Variants in CTIF observed in about 807,000 individuals in gnomAD.
CTIF encodes the protein cap binding complex dependent translation initiation factor.
CTIF carries 21 observed loss-of-function variants against 66.0 expected under a neutral mutation model. That is an observed-to-expected ratio of 0.32 (90% confidence interval 0.23 to 0.46). The LOEUF (loss-of-function observed/expected upper bound fraction) is 0.46, where lower values mean the gene tolerates loss of function less well. Among genes scored for constraint, CTIF ranks in the 20% least tolerant of loss-of-function variants. The pLI is 1.00. For synonymous variants in CTIF, 345 were observed against 326.4 expected (o/e 1.06, Z -0.62); for missense variants, 739 against 812.7 (o/e 0.91, Z 1.10).
chr18:48,846,497 A>AGATGGATGGATGGATGGATG (rs1555705172), intron 10 of CTIF, among the ~76,000 whole-genome samples: 2 of 136,792 alleles, frequency 1.5e-5, no homozygotes, highest in Non-Finnish European at 3.0e-5. Flanking sequence ...ATGAAAGGAT[A>AGATGGATGGATGGATGGATG]GATGGATGGA....
intron 6 of CTIF, among the ~76,000 whole-genome samples, chr18:48,692,337 C>CA (rs11320556): frequency 0.031 from 4,267 of 139,576 alleles, 86 homozygotes; most frequent in African/African-American, 0.037. Flanking sequence ...AAACAAAAAA[C>CA]AAAAAAAAAA....
chr18:48,598,817 C>T (rs940998014), intron 1 of CTIF, among the ~76,000 whole-genome samples: 21 of 152,188 alleles, frequency 1.4e-4, no homozygotes, highest in African/African-American at 5.1e-4. Context: ...TGGGGACTAT[C>T]TTCCTTGCAA....
chr18:48,735,868 C>T (rs1295851117), intron 7 of CTIF, among the ~76,000 whole-genome samples: 1 of 152,160 alleles, frequency 6.6e-6, no homozygotes, highest in African/African-American at 2.4e-5. Flanking sequence ...GACAGAGATA[C>T]TAAACACTCC....
At chr18:48,587,757 C>T (rs991739685) in intron 1 of CTIF, among the ~76,000 whole-genome samples, 1 of 152,162 alleles carries the variant, frequency 6.6e-6, no homozygotes, top group Admixed American at 6.5e-5. Context: ...AAGATTATGA[C>T]ACCTGTAAGA....
intron 1 of CTIF, among the ~76,000 whole-genome samples, chr18:48,583,244 A>G (rs2089698681): frequency 6.6e-6 from 1 of 152,204 alleles, no homozygotes; most frequent in Non-Finnish European, 1.5e-5. Flanking sequence ...TGGCCCTAAG[A>G]GTCTTAGGCT....
chr18:48,611,176 A>C (rs1347115766), intron 1 of CTIF, among the ~76,000 whole-genome samples: 23 of 152,196 alleles, frequency 1.5e-4, no homozygotes, highest in Admixed American at 1.4e-3. Context: ...CAGCAGCTGA[A>C]GAGCTGTTGA....
intron 5 of CTIF, among the ~76,000 whole-genome samples, chr18:48,667,082 GACACACAC>G (rs4044188): frequency 1.2e-4 from 17 of 142,278 alleles, no homozygotes; most frequent in African/African-American, 3.9e-4. Flanking sequence ...CAGGAAAGTA[GACACACAC>G]ACACACACAC....
chr18:48,761,240 G>T lies in CTIF; in HGVS notation c.1072-150G>T. The T allele has an allele frequency of 1.4e-6, 1 of 692,694 alleles. No individual in the cohort carries two copies. 42.9% of individuals were successfully genotyped at this position (692,694 alleles called of 1,614,324 possible). A position where few individuals can be genotyped will look rare whatever the true frequency, so the allele number is the denominator to read the frequency against. On this transcript the variant is annotated intron_variant, in intron 8 of 11. Coordinates refer to ENST00000256413, the MANE Select transcript of CTIF (RefSeq NM_014772.3). This position sits in a 1 kb window ranked among gnomAD's most constrained non-coding sequence, Gnocchi z 4.2. ...GCTTTTGGCGCATGAGGGGTCTTTG[G>T]TGGAGGTTCCCAGAGGGACCAGCCC... is the stretch of plus-strand genomic sequence containing the variant.
At chr18:48,768,115 A>G (rs1046533448) in intron 9 of CTIF, among the ~76,000 whole-genome samples, 2 of 152,038 alleles carry the variant, frequency 1.3e-5, no homozygotes, top group African/African-American at 4.8e-5. Context: ...TCTCTTCCTA[A>G]GGGGAAAACC....
intron 6 of CTIF, among the ~76,000 whole-genome samples, chr18:48,685,218 T>C (rs1418340112): frequency 1.3e-5 from 2 of 152,122 alleles, no homozygotes; most frequent in African/African-American, 4.8e-5. Flanking sequence ...ATAATTGAGT[T>C]TGTGTACTTT....
intron 10 of CTIF, among the ~76,000 whole-genome samples, chr18:48,841,262 G>A (rs2068934781): frequency 6.6e-6 from 1 of 152,220 alleles, no homozygotes. Flanking sequence ...TGGTGAGCAA[G>A]CAGGGGCCAG....
chr18:48,567,472 C>T (rs1395881391), intron 1 of CTIF: 2 of 152,326 alleles, frequency 1.3e-5, no homozygotes, highest in East Asian at 3.9e-4. Flanking sequence ...TTCTTTGTGC[C>T]TGGGTACATG....
intron 6 of CTIF, among the ~76,000 whole-genome samples, chr18:48,709,015 A>G (rs1265977395): frequency 1.3e-5 from 2 of 152,240 alleles, no homozygotes; most frequent in Non-Finnish European, 2.9e-5. Flanking sequence ...GACAGTGATG[A>G]TGACAATGAG....
At chr18:48,611,743 G>A (rs2090311532) in intron 1 of CTIF, among the ~76,000 whole-genome samples, 1 of 152,176 alleles carries the variant, frequency 6.6e-6, no homozygotes, top group Admixed American at 6.5e-5. Context: ...TTCATGGGTA[G>A]GTGAAACAAA....
intron 6 of CTIF, among the ~76,000 whole-genome samples, chr18:48,709,252 C>A (rs960609999): frequency 1.3e-5 from 2 of 152,234 alleles, no homozygotes; most frequent in East Asian, 3.8e-4. Flanking sequence ...TAACCACTGT[C>A]ATGGTTTATA....
At chr18:48,613,148 G>C (rs2090338073) in intron 1 of CTIF, among the ~76,000 whole-genome samples, 1 of 152,160 alleles carries the variant, frequency 6.6e-6, no homozygotes, top group African/African-American at 2.4e-5. Flanking sequence ...TTCTTAAAAG[G>C]ATTGGCTAAA....
chr18:48,623,256 G>A (rs954370286), intron 2 of CTIF, among the ~76,000 whole-genome samples: 1 of 152,230 alleles, frequency 6.6e-6, no homozygotes, highest in African/African-American at 2.4e-5. Flanking sequence ...TTCATGCTCT[G>A]GAATTCCCTC....
intron 10 of CTIF, among the ~76,000 whole-genome samples, chr18:48,822,107 A>G (rs2068495894): frequency 6.6e-6 from 1 of 152,242 alleles, no homozygotes; most frequent in Non-Finnish European, 1.5e-5. Flanking sequence ...TATTTCATTT[A>G]GTAATGTCAT....
At position 48,862,052 on chromosome 18, in the gene CTIF, A is replaced by C. The variant is rs993573442; in HGVS notation, c.*2493A>C. 6.7e-6 allele frequency: 1 copy of C among 148,462 alleles called. No individual in the cohort carries two copies. The highest frequency in any genetic ancestry group is 1.5e-5 in the Non-Finnish European group (1 of 67,032). 9.2% of individuals were successfully genotyped at this position (148,462 alleles called of 1,614,324 possible). ...GATATGGAAGGAAAACGTTAAGACT[A>C]TTTTTTTTTTAAAGAAACAACAGTC... is the stretch of plus-strand genomic sequence containing the variant. On this transcript the variant is annotated 3_prime_UTR_variant, in exon 12 of 12. Coordinates refer to ENST00000256413, the MANE Select transcript of CTIF (RefSeq NM_014772.3).
Sources: allele counts gnomAD v4.1 joint callset (sites outside exome capture counted in the v4.1 genomes callset), GRCh38; gene constraint gnomAD v4.1.1; non-coding constraint Gnocchi (gnomAD v3.1); transcripts MANE v1.5; gene names NCBI Gene and HGNC (gene_info 2026-07-23, HGNC 2026-07-21).